The following SRFBP1 variants were observed in gnomAD, a reference collection of about 807,000 sequenced individuals.
SRFBP1 encodes the protein serum response factor-binding protein 1.
In SRFBP1, 47 loss-of-function variants were observed where a neutral mutation model predicts 45.5. The observed-to-expected ratio is 1.03, with a 90% CI of 0.82 to 1.32. The LOEUF (loss-of-function observed/expected upper bound fraction) is 1.32. Ranked by LOEUF, SRFBP1 falls within the 40% of genes most tolerant of loss-of-function variation. The probability of loss-of-function intolerance (pLI) is 0.00; values close to 1 mark genes in which losing one functional copy is unlikely to be tolerated. For synonymous variants in SRFBP1, 203 were observed against 166.3 expected (o/e 1.22, Z -1.70); for missense variants, 621 against 484.6 (o/e 1.28, Z -2.64).
intron 2 of SRFBP1, among the ~76,000 whole-genome samples, chr5:122,052,910 A>AT (rs1561409964): frequency 6.6e-6 from 1 of 150,428 alleles, no homozygotes; most frequent in South Asian, 2.1e-4. Flanking sequence ...CTTTCGATGG[A>AT]TTTTTTTGCT....
chr5:122,055,183 C>G (rs575771136), intron 2 of SRFBP1, among the ~76,000 whole-genome samples: 2 of 152,286 alleles, frequency 1.3e-5, no homozygotes, highest in African/African-American at 4.8e-5. Flanking sequence ...GCCCAGTCCT[C>G]ACTCATGATG....
intron 1 of SRFBP1, among the ~76,000 whole-genome samples, chr5:121,970,979 A>C (rs941445050): frequency 6.6e-6 from 1 of 152,088 alleles, no homozygotes; most frequent in Admixed American, 6.6e-5. Context: ...AATTGGTCCA[A>C]AATCAGGATG....
At chr5:121,979,550 A>G (rs546398546) in intron 3 of SRFBP1, among the ~76,000 whole-genome samples, 2 of 152,326 alleles carry the variant, frequency 1.3e-5, no homozygotes, top group East Asian at 1.9e-4. Flanking sequence ...ATCTTACACT[A>G]TAATTATTTC....
At chr5:122,016,229 C>G (rs1486055804) in intron 4 of SRFBP1, among the ~76,000 whole-genome samples, 4 of 152,114 alleles carry the variant, frequency 2.6e-5, no homozygotes, top group Non-Finnish European at 5.9e-5. Context: ...GTTCCTTCTG[C>G]CTAAGTCTTC....
At position 121,989,302 on chromosome 5, in the gene SRFBP1, G is replaced by A. The variant is rs186397417; in HGVS notation, c.199-5297G>A. Among the ~76,000 whole-genome samples the A allele has an allele frequency of 7.2e-5, 11 of 152,084 alleles. No individual in the cohort carries two copies. The East Asian group carries it at 9.7e-4, about 13-fold the overall frequency. Reference sequence around the variant, plus strand: ...AGGATGGTCTCGATCTCCTGACATCGTGATCCGCCCACCTCAGCCTCCCAA... The same window carrying A: ...AGGATGGTCTCGATCTCCTGACATCATGATCCGCCCACCTCAGCCTCCCAA... On this transcript the variant is annotated intron_variant, in intron 3 of 7. Coordinates refer to ENST00000339397, the MANE Select transcript of SRFBP1 (RefSeq NM_152546.3).
chr5:122,070,641 G>A, intron 2 of SRFBP1: 2 of 916,194 alleles, frequency 2.2e-6, no homozygotes, highest in Non-Finnish European at 3.5e-6. Flanking sequence ...GTCAGACTAT[G>A]ATAAATAATA....
chr5:122,045,596 T>A (rs1753842512), intron 2 of SRFBP1, among the ~76,000 whole-genome samples: 1 of 152,186 alleles, frequency 6.6e-6, no homozygotes, highest in Non-Finnish European at 1.5e-5. Context: ...TATTCCTAGG[T>A]ATTTTATTCT....
intron 3 of SRFBP1, among the ~76,000 whole-genome samples, chr5:121,987,447 G>A (rs1752540830): frequency 6.6e-6 from 1 of 152,124 alleles, no homozygotes; most frequent in African/African-American, 2.4e-5. Flanking sequence ...TTAAAAAGCA[G>A]AACAGTATTT....
At chr5:122,024,117 T>C (rs1753419384) in intron 7 of SRFBP1, among the ~76,000 whole-genome samples, 1 of 152,204 alleles carries the variant, frequency 6.6e-6, no homozygotes, top group Non-Finnish European at 1.5e-5. Flanking sequence ...GATTCTTTTG[T>C]TCTCTCTGTT....
At chr5:122,040,753 T>C (rs960714023) in intron 2 of SRFBP1, among the ~76,000 whole-genome samples, 71 of 152,186 alleles carry the variant, frequency 4.7e-4, no homozygotes, top group African/African-American at 1.7e-3. Flanking sequence ...GCACAATTAA[T>C]GTACCTAAAG....
Position 121,973,028 on chromosome 5 carries a change from G to C in SRFBP1, c.37-1168G>C, listed in dbSNP as rs150885884. Among the ~76,000 whole-genome samples, 157 of 152,002 alleles carry C rather than the reference G, an allele frequency of 1.0e-3. 2 individuals are homozygous for C. The highest frequency in any genetic ancestry group is 3.7e-3 in the African/African-American group (155 of 41,540). On this transcript the variant is annotated intron_variant, in intron 1 of 7. Coordinates refer to ENST00000339397, the MANE Select transcript of SRFBP1 (RefSeq NM_152546.3). ...AGGGAGTGAATGACATGAAGGGTAA[G>C]AGAAGATATTAATTAAATGGAAGAG... is the stretch of plus-strand genomic sequence containing the variant.
At chr5:122,014,745 G>C (rs1220694798) in intron 4 of SRFBP1, among the ~76,000 whole-genome samples, 3 of 152,090 alleles carry the variant, frequency 2.0e-5, no homozygotes, top group African/African-American at 4.8e-5. Flanking sequence ...ATGATAAAAT[G>C]ACTCTTAACA....
chr5:122,026,751 A>C (rs74552858), intron 7 of SRFBP1, among the ~76,000 whole-genome samples, 191 bp from the exon 8 acceptor site: 1 of 152,196 alleles, frequency 6.6e-6, no homozygotes, highest in African/African-American at 2.4e-5. Flanking sequence ...ATGTGTGTCA[A>C]AATTGACTAC....
chr5:122,038,312 C>A (rs548031771), intron 2 of SRFBP1, among the ~76,000 whole-genome samples: 2 of 152,030 alleles, frequency 1.3e-5, no homozygotes, highest in Non-Finnish European at 2.9e-5. Flanking sequence ...GGCACAGAGT[C>A]GGGAGGAAAA....
At chr5:122,035,977 C>T (rs1221278520) in intron 2 of SRFBP1, among the ~76,000 whole-genome samples, 1 of 152,202 alleles carries the variant, frequency 6.6e-6, no homozygotes, top group Non-Finnish European at 1.5e-5. Context: ...TACAGTGAAT[C>T]TACAGGTATC....
chr5:122,048,400 T>C (rs1753903172), intron 2 of SRFBP1, among the ~76,000 whole-genome samples: 1 of 152,236 alleles, frequency 6.6e-6, no homozygotes, highest in African/African-American at 2.4e-5. Flanking sequence ...GAAGCCCACT[T>C]GATCATGGTG....
At chr5:122,025,302 T>C in intron 7 of SRFBP1, among the ~76,000 whole-genome samples, 1 of 152,230 alleles carries the variant, frequency 6.6e-6, no homozygotes. Flanking sequence ...CATCAGTTTT[T>C]ATGGCTGCAT....
chr5:122,068,211 G>A (rs1412617597), intron 2 of SRFBP1, among the ~76,000 whole-genome samples: 1 of 141,576 alleles, frequency 7.1e-6, no homozygotes, highest in African/African-American at 2.6e-5. Context: ...AACTCTATAT[G>A]AGTGACCACA....
intron 7 of SRFBP1, among the ~76,000 whole-genome samples, chr5:122,025,860 G>T (rs931615751): frequency 6.6e-6 from 1 of 152,162 alleles, no homozygotes; most frequent in East Asian, 1.9e-4. Flanking sequence ...CAGCACTTTG[G>T]GAGGCTGAGG....
Sources: gnomAD v4.1 joint callset for allele counts (sites outside exome capture counted in the v4.1 genomes callset) on GRCh38, gnomAD v4.1.1 for gene constraint, MANE v1.5 for transcripts, NCBI Gene and HGNC (gene_info 2026-07-23, HGNC 2026-07-21) for gene names.